The following TANK variants were observed in gnomAD, a reference collection of about 807,000 sequenced individuals.
TANK encodes the protein TRAF family member-associated NF-kappa-B activator.
Under a neutral mutation model 43.6 loss-of-function variants are expected in TANK, and 15 were observed. That is an observed-to-expected ratio of 0.34 (90% CI 0.23 to 0.53). The LOEUF (loss-of-function observed/expected upper bound fraction) is 0.53, where lower values mean the gene tolerates loss of function less well. Ranked by LOEUF, TANK falls within the 20% of genes least tolerant of loss-of-function variation. TANK has a pLI of 0.94. For missense variants in TANK, 417 were observed against 498.6 expected, an observed-to-expected ratio of 0.84 and a Z score of 1.56; for synonymous variants, 162 against 178.2, an observed-to-expected ratio of 0.91 and a Z score of 0.73.
chr2:161,158,114 A>G (rs1204182092), upstream of TANK, among the ~76,000 whole-genome samples: 1 of 152,230 alleles, frequency 6.6e-6, no homozygotes, highest in Non-Finnish European at 1.5e-5. Context: ...TCCTGTGCTC[A>G]AGTGATCCTC....
intron 1 of TANK, chr2:161,161,400 A>ACCCAAAC (rs1390301551): frequency 6.4e-7 from 1 of 1,550,832 alleles, no homozygotes; most frequent in Admixed American, 2.0e-5. Flanking sequence ...TGGAATACAC[A>ACCCAAAC]CCCAAACGAG....
At chr2:161,173,768 A>G (rs1685057804) in intron 1 of TANK, among the ~76,000 whole-genome samples, 1 of 152,138 alleles carries the variant, frequency 6.6e-6, no homozygotes, top group South Asian at 2.1e-4. Flanking sequence ...CAGGGAGAAA[A>G]GGAGTGCCTA....
chr2:161,151,222 T>C (rs1684071887), intron 1 of TANK, among the ~76,000 whole-genome samples: 1 of 152,198 alleles, frequency 6.6e-6, no homozygotes, highest in Non-Finnish European at 1.5e-5. Flanking sequence ...AGATTTCATA[T>C]CCACTTGAGA....
At chr2:161,166,664 A>G (rs536356628) in intron 1 of TANK, among the ~76,000 whole-genome samples, 15 of 152,246 alleles carry the variant, frequency 9.9e-5, no homozygotes, top group African/African-American at 2.6e-4. Context: ...CTTGACGCCT[A>G]TAATCTCAAC....
intron 1 of TANK, among the ~76,000 whole-genome samples, chr2:161,170,174 T>C (rs1684879837): frequency 6.6e-6 from 1 of 152,166 alleles, no homozygotes; most frequent in South Asian, 2.1e-4. Context: ...AGAGTATTGA[T>C]AGGAGGAACA....
rs188796971 is a variant in TANK, at chr2:161,173,552, C to G, written c.-49-6062C>G. On this transcript the variant is annotated intron_variant, in intron 1 of 7. Coordinates refer to ENST00000392749, the MANE Select transcript of TANK (RefSeq NM_001199135.3). ...TTTAGGTAGAACTGTGAATGAAATG[C>G]GTAAATCTCTAGTGAACCATTGGTT... is the stretch of plus-strand genomic sequence containing the variant. 5.8e-4 allele frequency among the ~76,000 whole-genome samples: 88 copies of G among 152,148 alleles called. 1 individual carries two copies. Among genetic ancestry groups the G allele is most frequent in the Admixed American group, 1.6e-3 (24 of 15,278 alleles).
chr2:161,210,157 G>A (rs969120273), intron 4 of TANK, among the ~76,000 whole-genome samples: 9 of 152,112 alleles, frequency 5.9e-5, no homozygotes, highest in Admixed American at 1.3e-4. Context: ...GATTTTTTAG[G>A]TTTAGAATAG....
intron 6 of TANK, among the ~76,000 whole-genome samples, chr2:161,228,043 G>A (rs1420500533): frequency 6.6e-6 from 1 of 152,162 alleles, no homozygotes; most frequent in Non-Finnish European, 1.5e-5. Flanking sequence ...TTTGTTAGGG[G>A]CATACTATGT....
intron 2 of TANK, among the ~76,000 whole-genome samples, chr2:161,198,253 A>G (rs899547717): frequency 1.3e-5 from 2 of 152,216 alleles, no homozygotes; most frequent in African/African-American, 4.8e-5. Flanking sequence ...GATAAACAAC[A>G]AAAAACTCAG....
At chr2:161,188,863 C>T (rs1427712472) in intron 2 of TANK, among the ~76,000 whole-genome samples, 2 of 152,276 alleles carry the variant, frequency 1.3e-5, no homozygotes, top group East Asian at 1.9e-4. Context: ...GGTCTCTGCC[C>T]CCCATGGGCA....
chr2:161,207,835 A>G (rs1000918238), intron 4 of TANK: 4 of 985,232 alleles, frequency 4.1e-6, no homozygotes, highest in African/African-American at 3.5e-5. Flanking sequence ...ATGCACCCAC[A>G]TGGATGAGAA....
At chr2:161,170,069 T>C (rs1210458418) in intron 1 of TANK, among the ~76,000 whole-genome samples, 2 of 152,196 alleles carry the variant, frequency 1.3e-5, no homozygotes, top group African/African-American at 4.8e-5. Context: ...CATGACTCTT[T>C]GTGCCTCTTT....
intron 2 of TANK, among the ~76,000 whole-genome samples, chr2:161,199,208 C>T (rs1055716790): frequency 6.6e-6 from 1 of 151,722 alleles, no homozygotes; most frequent in Non-Finnish European, 1.5e-5. Context: ...TCTTTATTAA[C>T]CTTGGAATAA....
At chr2:161,169,445 T>C (rs1558970972) in intron 1 of TANK, among the ~76,000 whole-genome samples, 1 of 152,178 alleles carries the variant, frequency 6.6e-6, no homozygotes, top group East Asian at 1.9e-4. Context: ...AAATTAGATA[T>C]AACTGTATTG....
intron 2 of TANK, among the ~76,000 whole-genome samples, chr2:161,189,433 A>G (rs1180738827): frequency 1.3e-5 from 2 of 152,192 alleles, no homozygotes; most frequent in Non-Finnish European, 2.9e-5. Context: ...GGAAAAACCC[A>G]CAACTAGCAT....
chr2:161,182,404 C>A (rs976707856), intron 2 of TANK, among the ~76,000 whole-genome samples: 2 of 152,158 alleles, frequency 1.3e-5, no homozygotes, highest in Admixed American at 1.3e-4. Flanking sequence ...GGAGTTCCCA[C>A]AATCCCCTCT....
intron 1 of TANK, among the ~76,000 whole-genome samples, chr2:161,169,735 G>A (rs1190517119): frequency 6.6e-6 from 1 of 152,152 alleles, no homozygotes; most frequent in East Asian, 1.9e-4. Flanking sequence ...TAAAAAATTA[G>A]AGGGGAGAGA....
intron 4 of TANK, among the ~76,000 whole-genome samples, chr2:161,209,564 T>G (rs1459458621): frequency 6.6e-6 from 1 of 152,332 alleles, no homozygotes; most frequent in Middle Eastern, 3.4e-3. Context: ...GGAAATAGTT[T>G]GGTTGCCAAA....
chr2:161,214,421 T>A (rs943774243), intron 4 of TANK, among the ~76,000 whole-genome samples: 1 of 152,186 alleles, frequency 6.6e-6, no homozygotes, highest in African/African-American at 2.4e-5. Context: ...ACACAAAATA[T>A]TAAAAATATG....
Sources: gnomAD v4.1 joint callset for allele counts (sites outside exome capture counted in the v4.1 genomes callset) on GRCh38, gnomAD v4.1.1 for gene constraint, MANE v1.5 for transcripts, NCBI Gene and HGNC (gene_info 2026-07-23, HGNC 2026-07-21) for gene names.